The following CACNA2D3 variants were observed in gnomAD, a reference collection of about 807,000 sequenced individuals.
CACNA2D3 encodes voltage-dependent calcium channel subunit alpha-2/delta-3.
Under a neutral mutation model 160.6 loss-of-function variants are expected in CACNA2D3, and 60 were observed. The ratio of observed to expected loss-of-function variants is 0.37; its 90% confidence interval spans 0.30 to 0.46. CACNA2D3 has a LOEUF of 0.46. Ranked by LOEUF, CACNA2D3 falls within the 20% of genes least tolerant of loss-of-function variation. The pLI is 1.00. For synonymous variants in CACNA2D3, 558 were observed against 492.9 expected (o/e 1.13, Z -1.75); for missense variants, 1,205 against 1,365.0 (o/e 0.88, Z 1.85).
At chr3:55,033,810 T>TTATATATTAAATATATTTAATATATAA in intron 35 of CACNA2D3, among the ~76,000 whole-genome samples, 1 of 82,148 alleles carries the variant, frequency 1.2e-5, no homozygotes, top group East Asian at 2.3e-4. Context: ...ATAATATGTA[T>TTATATATTAAATATATTTAATATATAA]TATATATTAA....
At chr3:54,973,575 A>G (rs1702321661) in intron 29 of CACNA2D3, among the ~76,000 whole-genome samples, 1 of 152,200 alleles carries the variant, frequency 6.6e-6, no homozygotes, top group Non-Finnish European at 1.5e-5. Context: ...TGGCATCAGA[A>G]AGACCTGCTT....
chr3:54,284,274 A>T (rs1326709602), intron 2 of CACNA2D3, among the ~76,000 whole-genome samples: 1 of 151,756 alleles, frequency 6.6e-6, no homozygotes, highest in Non-Finnish European at 1.5e-5. Context: ...TAATAATAAT[A>T]AAAAATAAAA....
At chr3:54,709,547 A>C (rs959403789) in intron 11 of CACNA2D3, among the ~76,000 whole-genome samples, 1 of 151,908 alleles carries the variant, frequency 6.6e-6, no homozygotes, top group Non-Finnish European at 1.5e-5. Flanking sequence ...TTTTTTGTAG[A>C]GACAGGGTCT....
chr3:54,152,333 A>G (rs1191467055), intron 2 of CACNA2D3, among the ~76,000 whole-genome samples: 1 of 152,354 alleles, frequency 6.6e-6, no homozygotes, highest in Admixed American at 6.5e-5. Context: ...CTGTTTCTTT[A>G]AAAGCTGCAT....
At chr3:54,647,234 CTG>C (rs1193077771) in intron 11 of CACNA2D3, among the ~76,000 whole-genome samples, 5 of 152,172 alleles carry the variant, frequency 3.3e-5, no homozygotes, top group Non-Finnish European at 7.3e-5. Context: ...ATAATAATAA[CTG>C]TTCTGTTTTA....
At chr3:54,859,170 C>T (rs571944415) in intron 17 of CACNA2D3, among the ~76,000 whole-genome samples, 1 of 152,122 alleles carries the variant, frequency 6.6e-6, no homozygotes, top group South Asian at 2.1e-4. Flanking sequence ...CTCAAACCTC[C>T]AAATAATTAT....
chr3:55,042,274 C>T (rs1312217641), intron 35 of CACNA2D3, among the ~76,000 whole-genome samples: 3 of 152,092 alleles, frequency 2.0e-5, no homozygotes, highest in Non-Finnish European at 4.4e-5. Flanking sequence ...TGTGGATCTA[C>T]GTCTCTCTCC....
intron 20 of CACNA2D3, among the ~76,000 whole-genome samples, chr3:54,879,744 C>T (rs1400515657): frequency 6.6e-6 from 1 of 152,170 alleles, no homozygotes; most frequent in Non-Finnish European, 1.5e-5. Flanking sequence ...TTGTGAGTTC[C>T]ATTTCACCTT....
At chr3:54,647,336 C>A (rs927857597) in intron 11 of CACNA2D3, among the ~76,000 whole-genome samples, 1 of 152,202 alleles carries the variant, frequency 6.6e-6, no homozygotes, top group Non-Finnish European at 1.5e-5. Flanking sequence ...AAATTACTTA[C>A]CTAGCAATGC....
intron 11 of CACNA2D3, among the ~76,000 whole-genome samples, chr3:54,648,610 C>T (rs1300159721): frequency 1.3e-5 from 2 of 152,208 alleles, no homozygotes; most frequent in Non-Finnish European, 2.9e-5. Flanking sequence ...TACTTGAATA[C>T]ATGATTGTGT....
In CACNA2D3 at chr3:54,386,745, C is replaced by A. The variant is rs376595990; in HGVS notation, c.352C>A (p.Leu118Met). Residue 118 changes from leucine (L) to methionine (M), a missense_variant, in exon 4 of 38, where the codon CTG becomes ATG. Coordinates refer to ENST00000474759, the MANE Select transcript of CACNA2D3 (RefSeq NM_018398.3). ...RLVEAAEEAH[L>M]KHEFDADLQY... ...GGTGGAGGCTGCAGAAGAAGCACAC[C>A]TGAAACATGAATTTGATGCAGACTT... The A allele has an allele frequency of 3.2e-6, 5 of 1,584,478 alleles. No individual in the cohort carries two copies. Among genetic ancestry groups the A allele is most frequent in the Non-Finnish European group, 8.6e-7 (1 of 1,165,842 alleles).
chr3:54,842,568 C>CTCTTT (rs371661030), intron 16 of CACNA2D3, among the ~76,000 whole-genome samples: 18 of 151,604 alleles, frequency 1.2e-4, no homozygotes, highest in African/African-American at 2.7e-4. Context: ...CTTTTTTCTT[C>CTCTTT]TCTTTTCTTT....
At chr3:54,963,935 C>T (rs1020303985) in intron 27 of CACNA2D3, among the ~76,000 whole-genome samples, 11 of 152,134 alleles carry the variant, frequency 7.2e-5, no homozygotes, top group South Asian at 2.1e-4. Context: ...GTTGAAGTTT[C>T]GATATCTGTA....
chr3:54,416,569 GA>G (rs1699757468), intron 4 of CACNA2D3, among the ~76,000 whole-genome samples: 1 of 152,026 alleles, frequency 6.6e-6, no homozygotes, highest in Non-Finnish European at 1.5e-5. Context: ...ATTTCAATTA[GA>G]AAAAAAGCTG....
At chr3:54,229,357 G>A (rs1281358724) in intron 2 of CACNA2D3, among the ~76,000 whole-genome samples, 5 of 151,558 alleles carry the variant, frequency 3.3e-5, no homozygotes, top group East Asian at 2.0e-4. Flanking sequence ...ATGCCCGGCT[G>A]ATTTTTGTAT....
At chr3:54,821,634 G>GTCTTTCGTTCTT (rs1435831039) in intron 14 of CACNA2D3, among the ~76,000 whole-genome samples, 1 of 140,396 alleles carries the variant, frequency 7.1e-6, no homozygotes, top group African/African-American at 2.6e-5. Flanking sequence ...TTTTTCTAGA[G>GTCTTTCGTTCTT]TCTTTCGTTC....
In CACNA2D3 at chr3:54,719,163, C is replaced by CTTT. The variant is rs527632302; in HGVS notation, c.1168-33421_1168-33419dup. On this transcript the variant is annotated intron_variant, in intron 11 of 37. Coordinates refer to ENST00000474759, the MANE Select transcript of CACNA2D3 (RefSeq NM_018398.3). ...TTTCTTACCAAGTTGCACTGGATTT[C>CTTT]TTTTTTTTTTTTTTTTTATCTTGTT... is the stretch of plus-strand genomic sequence containing the variant. Among the ~76,000 whole-genome samples the CTTT allele has an allele frequency of 4.8e-4, 64 of 132,650 alleles. 1 individual carries two copies. Among genetic ancestry groups the CTTT allele is most frequent in the Non-Finnish European group, 6.2e-4 (38 of 61,584 alleles). The allele number at this position is 132,650 out of a possible 152,430, so 87.0% of individuals were successfully genotyped here.
intron 14 of CACNA2D3, among the ~76,000 whole-genome samples, chr3:54,817,163 C>T (rs895110281): frequency 2.0e-5 from 3 of 152,242 alleles, no homozygotes; most frequent in Admixed American, 2.0e-4. Flanking sequence ...AAGTTTGACA[C>T]ATTCCTTCCA....
chr3:54,949,157 G>A (rs553757749), intron 27 of CACNA2D3, among the ~76,000 whole-genome samples: 1 of 152,298 alleles, frequency 6.6e-6, no homozygotes. Flanking sequence ...TCAGTTCAAT[G>A]TCCTGGGGCT....
Sources: gnomAD v4.1 joint callset for allele counts (sites outside exome capture counted in the v4.1 genomes callset) on GRCh38, gnomAD v4.1.1 for gene constraint, MANE v1.5 for transcripts, NCBI Gene and HGNC (gene_info 2026-07-23, HGNC 2026-07-21) for gene names.